Variants in THRB observed in about 807,000 individuals in gnomAD.
The protein encoded by THRB is thyroid hormone receptor beta.
In THRB, 12 loss-of-function variants were observed where a neutral mutation model predicts 47.8. That is an observed-to-expected ratio of 0.25 (90% CI 0.16 to 0.41). THRB has a LOEUF of 0.41. THRB is among the 10% of genes least tolerant of loss of function. THRB has a pLI of 1.00. For synonymous variants in THRB, 218 were observed against 212.2 expected, an observed-to-expected ratio of 1.03 and a Z score of -0.24; for missense variants, 348 against 589.2, an observed-to-expected ratio of 0.59 and a Z score of 4.24.
At chr3:24,350,674 AAG>A (rs1331324488) in intron 1 of THRB, among the ~76,000 whole-genome samples, 2 of 152,156 alleles carry the variant, frequency 1.3e-5, no homozygotes, top group Non-Finnish European at 1.5e-5. Flanking sequence ...AGCCGGTGTG[AAG>A]AGAGTTTTTG....
At chr3:24,172,988 T>C (rs1050305882) in intron 5 of THRB, among the ~76,000 whole-genome samples, 1 of 152,146 alleles carries the variant, frequency 6.6e-6, no homozygotes, top group Admixed American at 6.5e-5. Flanking sequence ...AGAACAGCCT[T>C]TTGTGGTTCC....
At chr3:24,202,179 A>G (rs1303519013) in intron 4 of THRB, among the ~76,000 whole-genome samples, 1 of 152,218 alleles carries the variant, frequency 6.6e-6, no homozygotes, top group Non-Finnish European at 1.5e-5. Flanking sequence ...ATGGGCTGAA[A>G]TATGGCTCAG....
intron 1 of THRB, among the ~76,000 whole-genome samples, chr3:24,412,522 A>ATT (rs1350922040): frequency 6.6e-6 from 1 of 151,850 alleles, no homozygotes; most frequent in Non-Finnish European, 1.5e-5. Flanking sequence ...AAAAGTACAG[A>ATT]TGGATTAAAG....
intron 1 of THRB, among the ~76,000 whole-genome samples, chr3:24,375,192 GT>G (rs2065179452): frequency 6.6e-6 from 1 of 151,446 alleles, no homozygotes; most frequent in African/African-American, 2.4e-5. Flanking sequence ...TAAGAGCCAT[GT>G]TTTAAAGCAG....
chr3:24,191,529 G>A (rs1408279155), intron 4 of THRB, among the ~76,000 whole-genome samples: 3 of 152,066 alleles, frequency 2.0e-5, no homozygotes, highest in Non-Finnish European at 4.4e-5. Flanking sequence ...ATCCTGACCT[G>A]TGCACAGCAC....
intron 4 of THRB, 76 bp from the exon 5 acceptor site, chr3:24,190,410 G>T: frequency 6.3e-7 from 1 of 1,575,198 alleles, no homozygotes; most frequent in Non-Finnish European, 8.7e-7. Context: ...GTTTTGGAAG[G>T]CAAGTTGTTT....
intron 3 of THRB, among the ~76,000 whole-genome samples, chr3:24,243,163 G>A (rs752936650): frequency 1.5e-4 from 22 of 151,682 alleles, no homozygotes; most frequent in African/African-American, 3.6e-4. Context: ...GTAAAGCAGC[G>A]TGGGTGATTC....
At chr3:24,276,679 A>C (rs1206651419) in intron 3 of THRB, among the ~76,000 whole-genome samples, 1 of 152,200 alleles carries the variant, frequency 6.6e-6, no homozygotes, top group Non-Finnish European at 1.5e-5. Context: ...GCAGTGATGG[A>C]TACGATTACA....
rs1286496651 is a variant in THRB at position 24,332,706 on chromosome 3, CG to C, written c.-189+4593del. 2.6e-5 allele frequency among the ~76,000 whole-genome samples: 4 copies of C among 152,078 alleles called. No homozygotes were observed. The East Asian group carries it at 7.7e-4, about 29-fold the overall frequency. ...TTTTTCTTTCAACCTGCTTTTAAAT[CG>C]TTAATAGCTCAACAGCACCAATAGG... On this transcript the variant is annotated intron_variant, in intron 2 of 10. Transcript: ENST00000646209.
rs1553658176 is a variant in THRB, at chr3:24,233,560, G to GAAGAAAGAA, written c.-42-4568_-42-4560dup. ...GAAAGAAAGAGAAAGAAAGAAAAAG[G>GAAGAAAGAA]AAGAAAGAAAGAAAGAAAGAAAGAA... On this transcript the variant is annotated intron_variant, in intron 3 of 10. Transcript: ENST00000646209. Among the ~76,000 whole-genome samples the GAAGAAAGAA allele has an allele frequency of 3.6e-3, 276 of 77,330 alleles. 5 individuals are homozygous for GAAGAAAGAA. The highest frequency in any genetic ancestry group is 0.012 in the African/African-American group (250 of 21,114). 50.7% of individuals were successfully genotyped at this position (77,330 alleles called of 152,430 possible). A position where few individuals can be genotyped will look rare whatever the true frequency, so the allele number is the denominator to read the frequency against.
intron 5 of THRB, among the ~76,000 whole-genome samples, chr3:24,180,137 CCTTTAGTTTT>C (rs2041705791): frequency 6.0e-5 from 2 of 33,140 alleles, no homozygotes; most frequent in South Asian, 9.7e-4. Flanking sequence ...TTAGTTTTGA[CCTTTAGTTTT>C]ATATCTTAGT....
At chr3:24,393,510 A>T (rs2066733921) in intron 1 of THRB, among the ~76,000 whole-genome samples, 1 of 152,118 alleles carries the variant, frequency 6.6e-6, no homozygotes, top group Non-Finnish European at 1.5e-5. Context: ...CACCTGGGAG[A>T]GGTCAGGGCA....
chr3:24,194,636 G>A (rs2043755912), intron 4 of THRB, among the ~76,000 whole-genome samples: 2 of 152,160 alleles, frequency 1.3e-5, no homozygotes, highest in African/African-American at 2.4e-5. Flanking sequence ...TCATTCTGAT[G>A]GCTTTGATTG....
At chr3:24,166,622 G>A (rs917561450) in intron 5 of THRB, among the ~76,000 whole-genome samples, 2 of 152,124 alleles carry the variant, frequency 1.3e-5, no homozygotes, top group African/African-American at 4.8e-5. Flanking sequence ...TCACATATAT[G>A]CATAGTTGTA....
At chr3:24,345,173 GTC>G (rs2062935091) in intron 1 of THRB, among the ~76,000 whole-genome samples, 2 of 152,146 alleles carry the variant, frequency 1.3e-5, no homozygotes, top group Non-Finnish European at 2.9e-5. Flanking sequence ...CAATTTTGCT[GTC>G]ATTTACTGTC....
intron 2 of THRB, among the ~76,000 whole-genome samples, chr3:24,321,182 G>A (rs2058460060): frequency 6.6e-6 from 1 of 152,138 alleles, no homozygotes; most frequent in Admixed American, 6.6e-5. Context: ...CCATCTCAAT[G>A]TGTAGGCTTA....
chr3:24,259,767 G>T (rs1460447622), intron 3 of THRB, among the ~76,000 whole-genome samples: 3 of 151,794 alleles, frequency 2.0e-5, no homozygotes, highest in Non-Finnish European at 4.4e-5. Flanking sequence ...TTAAAGATAG[G>T]TACAAAGAAA....
intron 3 of THRB, among the ~76,000 whole-genome samples, chr3:24,259,075 G>A (rs1667748): frequency 0.12 from 18,503 of 152,104 alleles, 1,340 homozygotes; most frequent in Non-Finnish European, 0.16. Flanking sequence ...GCAGACCCAC[G>A]CCTGCTCCAT....
chr3:24,362,899 C>T (rs529140640), intron 1 of THRB, among the ~76,000 whole-genome samples: 11 of 152,144 alleles, frequency 7.2e-5, no homozygotes, highest in East Asian at 5.8e-4. Flanking sequence ...TTTAACACTT[C>T]GGGCCTTACT....
Sources: allele counts gnomAD v4.1 joint callset (sites outside exome capture counted in the v4.1 genomes callset), GRCh38; gene constraint gnomAD v4.1.1; transcripts MANE v1.5; gene names NCBI Gene and HGNC (gene_info 2026-07-23, HGNC 2026-07-21).